The following STAB1 variants were observed in gnomAD, a reference collection of about 807,000 sequenced individuals.
STAB1 encodes the protein stabilin 1, also known as stabilin-1.
A neutral mutation model predicts 332.4 loss-of-function variants in STAB1; 250 were observed. That is an observed-to-expected ratio of 0.75 (90% CI 0.68 to 0.84). STAB1 has a LOEUF of 0.84. Among genes scored for constraint, STAB1 ranks in the 40% least tolerant of loss-of-function variants. The pLI is 0.00. For missense variants in STAB1, 3,249 were observed against 3,489.7 expected, an observed-to-expected ratio of 0.93 and a Z score of 1.74; for synonymous variants, 1,475 against 1,390.4, an observed-to-expected ratio of 1.06 and a Z score of -1.35.
rs1469638226 is a variant in STAB1, at chr3:52,518,828, A to T, written c.4993A>T (p.Thr1665Ser). Residue 1665 changes from threonine to serine, a missense_variant, in exon 48 of 69, where the codon ACG (threonine) becomes TCG (serine). Coordinates refer to ENST00000321725, the MANE Select transcript of STAB1 (RefSeq NM_015136.3). ...GGACCTGCTGGAGCAGGGGTACGCCACGGCCCTCTCAGGGCACCCACTGCG... is the reference window on the plus strand; with the variant it reads ...GGACCTGCTGGAGCAGGGGTACGCCTCGGCCCTCTCAGGGCACCCACTGCG... Reference protein sequence around the residue: ...SEDLLEQGYATALSGHPLRFS... With the variant: ...SEDLLEQGYASALSGHPLRFS... 2.0e-5 allele frequency: 32 copies of T among 1,609,164 alleles called. No homozygotes were observed. The Admixed American group carries it at 5.0e-4, about 25-fold the overall frequency.
rs202241417 is a variant in STAB1, at chr3:52,523,107, C to T, written c.6993C>T (p.Ala2331=). The change falls in exon 63 of 69, where the codon GCC becomes GCT. Residue 2331 remains alanine, a synonymous_variant. Transcript: ENST00000321725. ...CNGKLLDVLA[A]TANFSTFYGM... is the part of the protein sequence containing the mutation. ...GGAAGCTGCTGGATGTGCTGGCTGC[C>T]ACTGCCAACTTCTCCACCTTCTATG... The T allele has an allele frequency of 8.2e-6, 13 of 1,578,290 alleles. No homozygotes were observed. Among genetic ancestry groups the T allele is most frequent in the Admixed American group, 1.7e-5 (1 of 58,098 alleles).
chr3:52,504,563 C>T lies in STAB1; in HGVS notation c.1239+14C>T, dbSNP rs752526716. ...AGGACCATGAATGTAAGCCCCTCCC[C>T]ATGGTGGAGCTGGCCACTGGCCCTC... On this transcript the variant is annotated intron_variant, in intron 11 of 68. Coordinates refer to ENST00000321725, the MANE Select transcript of STAB1 (RefSeq NM_015136.3). 4 of 1,613,664 alleles carry T rather than the reference C, an allele frequency of 2.5e-6. No homozygotes were observed. Among genetic ancestry groups the T allele is most frequent in the South Asian group, 1.1e-5 (1 of 91,084 alleles).
Position 52,519,979 on chromosome 3 carries a change from C to A in STAB1, c.5271C>A (p.Ser1757=), listed in dbSNP as rs1260510489. The A allele has an allele frequency of 6.2e-6, 10 of 1,607,656 alleles. No individual in the cohort carries two copies. Among genetic ancestry groups the A allele is most frequent in the Non-Finnish European group, 8.5e-6 (10 of 1,177,588 alleles). Residue 1757 remains serine, a synonymous_variant, in exon 51 of 69, where the codon TCC becomes TCA. Transcript: ENST00000321725. ...AGLLPLLREA[S]HRPFTMLWPT... is the part of the protein sequence containing the mutation. ...TCCTGCCCCTGCTTCGAGAGGCATCCCATAGGCCCTTCACAATGCTGTGGC... is the reference window on the plus strand; with the variant it reads ...TCCTGCCCCTGCTTCGAGAGGCATCACATAGGCCCTTCACAATGCTGTGGC...
chr3:52,495,428 G>A lies in STAB1; in HGVS notation c.15G>A (p.Arg5=), dbSNP rs1231434990. The change falls in exon 1 of 69, where the codon CGG becomes CGA. Residue 5 remains arginine (R), a synonymous_variant. Transcript: ENST00000321725. Reference sequence around the variant, plus strand: ...GCCCACCAGCCATGGCGGGGCCCCGGGGCCTCCTCCCACTCTGCCTCCTGG... The same window carrying A: ...GCCCACCAGCCATGGCGGGGCCCCGAGGCCTCCTCCCACTCTGCCTCCTGG... MAGP[R]GLLPLCLLAF... 9.7e-6 allele frequency: 13 copies of A among 1,341,178 alleles called. No individual in the cohort carries two copies. In the South Asian group the frequency reaches 3.0e-4, roughly 31 times the overall value. The allele number at this position is 1,341,178 out of a possible 1,614,324, so 83.1% of individuals were successfully genotyped here. A position where few individuals can be genotyped will look rare whatever the true frequency, so the allele number is the denominator to read the frequency against.
intron 38 of STAB1, 49 bp downstream of exon 38, chr3:52,516,287 G>T: frequency 6.2e-7 from 1 of 1,607,698 alleles, no homozygotes; most frequent in Non-Finnish European, 8.5e-7. Context: ...GCAGAGAGCA[G>T]CCTGGAGACC....
rs746203685 is a variant in STAB1, at chr3:52,513,896, C to G, written c.3362C>G (p.Pro1121Arg). The change falls in exon 32 of 69, where the codon CCC becomes CGC. Residue 1121 changes from proline (P) to arginine (R), a missense_variant. Coordinates refer to ENST00000321725, the MANE Select transcript of STAB1 (RefSeq NM_015136.3). The stretch of plus-strand genomic sequence containing the variant: ...GCTCTGTACCAGGTCTTACTGCCCC[C>G]CCGAGGGGATGTGCCCGGTGGGCAG... ...LHILSQVLLP[P>R]RGDVPGGQGL... is the part of the protein sequence containing the mutation. The G allele has an allele frequency of 2.5e-6, 4 of 1,604,762 alleles. No individual in the cohort carries two copies. Among genetic ancestry groups the G allele is most frequent in the Non-Finnish European group, 2.6e-6 (3 of 1,173,378 alleles).
At chr3:52,511,315 G>A (rs1424675644) in intron 25 of STAB1, among the ~76,000 whole-genome samples, 3 of 152,180 alleles carry the variant, frequency 2.0e-5, no homozygotes, top group Non-Finnish European at 2.9e-5. Context: ...CTATCCTGGG[G>A]CTGGCCTTGG....
Position 52,522,866 on chromosome 3 carries a change from G to T in STAB1, c.6836G>T (p.Arg2279Leu). The change falls in exon 62 of 69, where the codon CGG becomes CTG. Residue 2279 changes from arginine (R) to leucine (L), a missense_variant. By Grantham distance (102) the Arg-to-Leu change is moderately radical. Coordinates refer to ENST00000321725, the MANE Select transcript of STAB1 (RefSeq NM_015136.3). ...CCTGTGGCGGACTGTGGCAATGGTCGGGTGGGCATAGTCAGCCTGGGTGCC... is the reference window on the plus strand; with the variant it reads ...CCTGTGGCGGACTGTGGCAATGGTCTGGTGGGCATAGTCAGCCTGGGTGCC... ...VFPVADCGNGRVGIVSLGARK... is the reference protein window; with the variant it reads ...VFPVADCGNGLVGIVSLGARK... The T allele has an allele frequency of 6.2e-7, 1 of 1,613,288 alleles. No homozygotes were observed. Among genetic ancestry groups the T allele is most frequent in the Non-Finnish European group, 8.5e-7 (1 of 1,180,016 alleles).
In STAB1 at chr3:52,515,977, C is replaced by A. The variant is rs930387597; in HGVS notation, c.3949-66C>A. The A allele has an allele frequency of 3.4e-6, 5 of 1,483,764 alleles. No individual in the cohort carries two copies. In the South Asian group the frequency reaches 5.5e-5, roughly 16 times the overall value. The allele number at this position is 1,483,764 out of a possible 1,614,324, so 91.9% of individuals were successfully genotyped here. The stretch of plus-strand genomic sequence containing the variant: ...TGGCTCTGTGGCCCCGAGATGCCCC[C>A]GTTCCCCTTCCCCCTGACACCTTGC... On this transcript the variant is annotated intron_variant, in intron 37 of 68. Coordinates refer to ENST00000321725, the MANE Select transcript of STAB1 (RefSeq NM_015136.3).
In STAB1 at chr3:52,510,169, T is replaced by C. The variant is rs1709191145; in HGVS notation, c.2562T>C (p.Gly854=). Residue 854 remains glycine, a synonymous_variant, in exon 24 of 69, where the codon GGT becomes GGC. Transcript: ENST00000321725. ...GTCGCTGTCTTGATGGCTTTGAGGG[T>C]GATGGCTTCTCCTGCACACCTAGCA... ...ARCRCLDGFE[G]DGFSCTPSNP... is the part of the protein sequence containing the mutation. The C allele has an allele frequency of 6.2e-7, 1 of 1,613,886 alleles. No individual in the cohort carries two copies. Among genetic ancestry groups the C allele is most frequent in the Non-Finnish European group, 8.5e-7 (1 of 1,180,002 alleles).
chr3:52,523,369 G>C, intron 64 of STAB1, 28 bp downstream of exon 64: 1 of 1,609,214 alleles, frequency 6.2e-7, no homozygotes. Context: ...GGGCAGAGCA[G>C]AGCCTGCATT....
chr3:52,510,489 C>G lies in STAB1; in HGVS notation c.2769C>G (p.Ser923Arg). ...RGGCHTDALC[S>R]YVGPGQSRCT... ...GCTGCCACACCGATGCCCTCTGCAGCTATGTGGGCCCCGGGCAGGTGAGGT... is the reference window on the plus strand; with the variant it reads ...GCTGCCACACCGATGCCCTCTGCAGGTATGTGGGCCCCGGGCAGGTGAGGT... Residue 923 changes from serine (S) to arginine (R), a missense_variant, in exon 25 of 69, where the codon AGC becomes AGG. Transcript: ENST00000321725. 1 of 1,613,336 alleles carries G rather than the reference C, an allele frequency of 6.2e-7. No homozygotes were observed. Among genetic ancestry groups the G allele is most frequent in the Non-Finnish European group, 8.5e-7 (1 of 1,179,812 alleles).
Position 52,520,539 on chromosome 3 carries a change from C to T in STAB1, c.5639C>T (p.Pro1880Leu). The change falls in exon 53 of 69, where the codon CCC (proline) becomes CTC (leucine). Residue 1880 changes from proline (P) to leucine (L), a missense_variant. Physicochemically the swap from Pro to Leu is moderately conservative, Grantham distance 98. Transcript: ENST00000321725. Reference sequence around the variant, plus strand: ...CGCTGTGACCACTTTGAGACCCGGCCCCTGCGACTGGTGAGGGAGGCCAGA... The same window carrying T: ...CGCTGTGACCACTTTGAGACCCGGCTCCTGCGACTGGTGAGGGAGGCCAGA... ...GARCDHFETR[P>L]LRLNTCSICG... 1.2e-6 allele frequency: 2 copies of T among 1,611,524 alleles called. No homozygotes were observed. Among genetic ancestry groups the T allele is most frequent in the Admixed American group, 1.7e-5 (1 of 60,008 alleles).
rs137973783 is a variant in STAB1, at chr3:52,521,645, T to G, written c.6108T>G (p.Ser2036=). The G allele has an allele frequency of 7.7e-5, 125 of 1,613,078 alleles. No individual in the cohort carries two copies. The highest frequency in any genetic ancestry group is 1.0e-4 in the Non-Finnish European group (118 of 1,179,938). Reference sequence around the variant, plus strand: ...GCTGTGATGAGGGCCTTGGGGGCTCTGGCTCCTGCTTCTGTGATGAAGGCT... The same window carrying G: ...GCTGTGATGAGGGCCTTGGGGGCTCGGGCTCCTGCTTCTGTGATGAAGGCT... ...HGRCDEGLGG[S]GSCFCDEGWT... Residue 2036 remains serine (S), a synonymous_variant, in exon 57 of 69, where the codon TCT becomes TCG. Coordinates refer to ENST00000321725, the MANE Select transcript of STAB1 (RefSeq NM_015136.3).
intron 9 of STAB1, 47 bp from the exon 10 acceptor site, chr3:52,503,981 G>T: frequency 5.6e-6 from 9 of 1,607,530 alleles, no homozygotes; most frequent in Non-Finnish European, 7.6e-6. Context: ...GGGTGCGGTG[G>T]GGGGGGCCTC....
intron 5 of STAB1, 21 bp downstream of exon 5, chr3:52,502,249 A>G (rs766624262): frequency 1.2e-5 from 19 of 1,606,920 alleles, no homozygotes; most frequent in Non-Finnish European, 1.5e-5. Context: ...AAAAGGCAAG[A>G]GGGCACGGCC....
intron 2 of STAB1, 91 bp from the exon 3 acceptor site, chr3:52,501,547 G>T: frequency 7.9e-7 from 1 of 1,270,376 alleles, no homozygotes; most frequent in South Asian, 1.4e-5. Flanking sequence ...GCAGGGAGGT[G>T]GGTGGGAGCC....
chr3:52,515,186 T>G, intron 36 of STAB1, 141 bp downstream of exon 36: 1 of 1,150,646 alleles, frequency 8.7e-7, no homozygotes, highest in South Asian at 1.5e-5. Context: ...GACGTCCCCA[T>G]AGAGGTCTGG....
rs1395023984 is a variant in STAB1, at chr3:52,509,236, G to C, written c.2262G>C (p.Gly754=). 1 of 1,613,610 alleles carries C rather than the reference G, an allele frequency of 6.2e-7. No individual in the cohort carries two copies. Among genetic ancestry groups the C allele is most frequent in the Non-Finnish European group, 8.5e-7 (1 of 1,179,976 alleles). ...GCAGTGATGGGATCCAGGGCAATGGGGCCTGCCTCTGCTTCCCAGACTACA... is the reference window on the plus strand; with the variant it reads ...GCAGTGATGGGATCCAGGGCAATGGCGCCTGCCTCTGCTTCCCAGACTACA... ...GNCSDGIQGN[G]ACLCFPDYKG... Residue 754 remains glycine, a synonymous_variant, in exon 22 of 69, where the codon GGG becomes GGC. Coordinates refer to ENST00000321725, the MANE Select transcript of STAB1 (RefSeq NM_015136.3).
Sources: gnomAD v4.1 joint callset for allele counts (sites outside exome capture counted in the v4.1 genomes callset) on GRCh38, gnomAD v4.1.1 for gene constraint, MANE v1.5 for transcripts, NCBI Gene and HGNC (gene_info 2026-07-23, HGNC 2026-07-21) for gene names.